The following VPS51 variants were observed in gnomAD, a reference collection of about 807,000 sequenced individuals.
VPS51 encodes vacuolar protein sorting-associated protein 51 homolog.
A neutral mutation model predicts 65.1 loss-of-function variants in VPS51; 55 were observed. The observed-to-expected ratio is 0.84, with a 90% CI of 0.68 to 1.06. The LOEUF is 1.06. Ranked by LOEUF, VPS51 falls within the 50% of genes least tolerant of loss-of-function variation. The probability of loss-of-function intolerance (pLI) is 0.00; values close to 1 mark genes in which losing one functional copy is unlikely to be tolerated. For missense variants in VPS51, 943 were observed against 1,101.6 expected (o/e 0.86, Z 2.04); for synonymous variants, 473 against 489.5 (o/e 0.97, Z 0.44).
intron 2 of VPS51, among the ~76,000 whole-genome samples, chr11:65,099,154 A>G (rs1180557175): frequency 6.6e-6 from 1 of 152,092 alleles, no homozygotes; most frequent in Non-Finnish European, 1.5e-5. Context: ...CAAGACATAG[A>G]TTTGATAGAC....
chr11:65,110,373 C>T (rs965986083), intron 7 of VPS51, 109 bp from the exon 8 acceptor site: 8 of 1,579,068 alleles, frequency 5.1e-6, no homozygotes, highest in Non-Finnish European at 6.9e-6. Flanking sequence ...GGTGATTACC[C>T]TGTGATCCTT....
In VPS51 at chr11:65,108,682, G is replaced by T. The variant is rs755751739; in HGVS notation, c.1211G>T (p.Arg404Leu). ...AATEIVERVA[R>L]ERLGHHLQGL... ...ACGGAGATCGTGGAACGAGTGGCCC[G>T]CGAGCGCCTGGGCCACCACCTGCAG... The change falls in exon 5 of 10, where the codon CGC (arginine) becomes CTC (leucine). Residue 404 changes from arginine (R) to leucine (L), a missense_variant. Physicochemically the swap from Arg to Leu is moderately radical, Grantham distance 102. This residue lies in a region of VPS51 where 855 missense variants were observed against 953.7 expected (regional missense o/e 0.90). Coordinates refer to ENST00000279281, the MANE Select transcript of VPS51 (RefSeq NM_013265.4). 15 of 1,585,700 alleles carry T rather than the reference G, an allele frequency of 9.5e-6. No individual in the cohort carries two copies. The highest frequency in any genetic ancestry group is 9.1e-5 in the East Asian group (4 of 43,972).
chr11:65,097,161 C>T (rs1947776987), intron 2 of VPS51, 34 bp downstream of exon 2: 2 of 1,612,714 alleles, frequency 1.2e-6, no homozygotes, highest in Admixed American at 3.3e-5. Context: ...TCCAAAGTCT[C>T]ACAGCCCCCA....
At chr11:65,101,762 CAA>C (rs1165429983) in intron 2 of VPS51, among the ~76,000 whole-genome samples, 8 of 26,344 alleles carry the variant, frequency 3.0e-4, no homozygotes, top group Non-Finnish European at 1.7e-4. Flanking sequence ...GACCTTGTCT[CAA>C]AAAAAAAAAA....
chr11:65,096,503 GGTGC>G, intron 1 of VPS51, 25 bp downstream of exon 1: 1 of 1,180,756 alleles, frequency 8.5e-7, no homozygotes. Context: ...GGAGTGGGGG[GGTGC>G]GGGGAGGGGG....
chr11:65,111,064 C>T, intron 9 of VPS51: 2 of 707,084 alleles, frequency 2.8e-6, no homozygotes, highest in Non-Finnish European at 2.5e-6. Context: ...TTGGGTCCTC[C>T]CCAGGGTTTT....
intron 1 of VPS51, 40 bp downstream of exon 1, chr11:65,096,518 G>GGGGGGGGGGGGGGGGGGCC: frequency 2.0e-6 from 1 of 499,402 alleles, no homozygotes; most frequent in Non-Finnish European, 3.7e-6. Context: ...GGGGAGGGGG[G>GGGGGGGGGGGGGGGGGGCC]AAGGGAACCA....
chr11:65,109,446 C>T lies in VPS51; in HGVS notation c.1610C>T (p.Ala537Val), dbSNP rs1374677773. 6.2e-7 allele frequency: 1 copy of T among 1,608,784 alleles called. No homozygotes were observed. The highest frequency in any genetic ancestry group is 2.2e-5 in the East Asian group (1 of 44,886). The part of the protein sequence containing the change: ...LSRLCLDYET[A>V]TISYILTLTD... ...CGCCTCTGCCTGGACTACGAGACGGCCACCATCTCCTACATCCTCACTCTC... is the reference window on the plus strand; with the variant it reads ...CGCCTCTGCCTGGACTACGAGACGGTCACCATCTCCTACATCCTCACTCTC... The change falls in exon 6 of 10, where the codon GCC becomes GTC. Residue 537 changes from alanine (A) to valine (V), a missense_variant. Coordinates refer to ENST00000279281, the MANE Select transcript of VPS51 (RefSeq NM_013265.4).
At position 65,108,412 on chromosome 11, in the gene VPS51, G is replaced by A; in HGVS notation, c.941G>A (p.Gly314Asp). Residue 314 changes from glycine (G) to aspartate (D), a missense_variant, in exon 5 of 10, where the codon GGC becomes GAC. Physicochemically the swap from Gly to Asp is moderately conservative, Grantham distance 94. Transcript: ENST00000279281. ...TDHGGSGFVG[G>D]LCQVAAAYQE... is the part of the protein sequence containing the mutation. The stretch of plus-strand genomic sequence containing the variant: ...CATGGAGGCAGTGGCTTCGTGGGCG[G>A]CCTCTGCCAGGTGGCGGCGGCCTAC... 2 of 1,612,030 alleles carry A rather than the reference G, an allele frequency of 1.2e-6. No individual in the cohort carries two copies. The highest frequency in any genetic ancestry group is 1.7e-6 in the Non-Finnish European group (2 of 1,179,642).
intron 9 of VPS51, chr11:65,111,043 C>G: frequency 1.5e-6 from 1 of 680,528 alleles, no homozygotes; most frequent in Non-Finnish European, 2.6e-6. Context: ...GTCCTTATCC[C>G]CACAGTAGTC....
At chr11:65,102,884 G>C (rs1335689183) in intron 2 of VPS51, among the ~76,000 whole-genome samples, 2 of 152,198 alleles carry the variant, frequency 1.3e-5, no homozygotes, top group South Asian at 4.1e-4. Flanking sequence ...GCTCACTCCT[G>C]TGCTCCCAGC....
At chr11:65,108,172 C>A in intron 4 of VPS51, 25 bp from the exon 5 acceptor site, 1 of 1,592,718 alleles carries the variant, frequency 6.3e-7, no homozygotes, top group East Asian at 2.3e-5. Context: ...CCGGCCCTGC[C>A]CTTCACTACC....
At chr11:65,103,029 G>T (rs1282887861) in intron 2 of VPS51, among the ~76,000 whole-genome samples, 2 of 152,174 alleles carry the variant, frequency 1.3e-5, no homozygotes, top group Non-Finnish European at 2.9e-5. Context: ...TGGCGCTTGT[G>T]TGTAGTCCCA....
chr11:65,106,462 T>A (rs2137187891), intron 2 of VPS51, among the ~76,000 whole-genome samples: 2 of 152,214 alleles, frequency 1.3e-5, no homozygotes, highest in South Asian at 2.1e-4. Flanking sequence ...TATAAAACCA[T>A]CAGACCTCGT....
chr11:65,108,059 A>G, intron 4 of VPS51, 37 bp downstream of exon 4: 1 of 1,485,566 alleles, frequency 6.7e-7, no homozygotes, highest in Non-Finnish European at 8.9e-7. Flanking sequence ...CGCTCCCGCC[A>G]GCCCCGAGCC....
intron 2 of VPS51, among the ~76,000 whole-genome samples, chr11:65,098,673 A>G (rs1366401638): frequency 6.6e-6 from 1 of 152,214 alleles, no homozygotes; most frequent in Non-Finnish European, 1.5e-5. Context: ...AGCAGATTCC[A>G]TGAGTAGGCA....
At chr11:65,110,403 C>T (rs1250758336) in intron 7 of VPS51, 79 bp from the exon 8 acceptor site, 2 of 1,606,926 alleles carry the variant, frequency 1.2e-6, no homozygotes, top group East Asian at 2.2e-5. Flanking sequence ...GAGTAGCTGA[C>T]TTAGGGCATC....
rs1321398997 is a variant in VPS51 at position 65,110,331 on chromosome 11, C to T, written c.1879-151C>T. On this transcript the variant is annotated intron_variant, in intron 7 of 9. Transcript: ENST00000279281. Reference sequence around the variant, plus strand: ...CCCACTCCACTGGTTCTATAAATAGCGACCATGTACCTACTAAATAGCGGG... The same window carrying T: ...CCCACTCCACTGGTTCTATAAATAGTGACCATGTACCTACTAAATAGCGGG... 5.3e-6 allele frequency: 7 copies of T among 1,327,496 alleles called. No homozygotes were observed. The African/African-American group carries it at 8.8e-5, about 17-fold the overall frequency. The allele number at this position is 1,327,496 out of a possible 1,614,324, so 82.2% of individuals were successfully genotyped here. A position where few individuals can be genotyped will look rare whatever the true frequency, so the allele number is the denominator to read the frequency against.
rs138579763 is a variant in VPS51, at chr11:65,110,762, G to C, written c.2069G>C (p.Ser690Thr). 11,436 of 1,614,120 alleles carry C rather than the reference G, an allele frequency of 7.1e-3. 88 individuals are homozygous for C. Among genetic ancestry groups the C allele is most frequent in the Non-Finnish European group, 7.0e-3 (8,298 of 1,180,014 alleles). The part of the protein sequence containing the change: ...KLFSERIDVF[S>T]PVEFNKVSVL... Reference sequence around the variant, plus strand: ...TTCTCTGAACGTATTGATGTGTTCAGCCCTGTGGAGTTCAACAAGGTCCGA... The same window carrying C: ...TTCTCTGAACGTATTGATGTGTTCACCCCTGTGGAGTTCAACAAGGTCCGA... The change falls in exon 9 of 10, where the codon AGC becomes ACC. Residue 690 changes from serine (S) to threonine (T), a missense_variant. Physicochemically the swap from Ser to Thr is moderately conservative, Grantham distance 58 (BLOSUM62 1). Around this residue, in one of 2 missense-constraint regions of VPS51, gnomAD observed 88 missense variants for 147.8 expected, o/e 0.60. Coordinates refer to ENST00000279281, the MANE Select transcript of VPS51 (RefSeq NM_013265.4).
Sources: allele counts gnomAD v4.1 joint callset (sites outside exome capture counted in the v4.1 genomes callset), GRCh38; gene constraint gnomAD v4.1.1; regional missense constraint gnomAD v4.1.1; transcripts MANE v1.5; gene names NCBI Gene and HGNC (gene_info 2026-07-23, HGNC 2026-07-21).